The following EEF2K variants were observed in gnomAD, a reference collection of about 807,000 sequenced individuals.
EEF2K encodes eukaryotic elongation factor 2 kinase.
Under a neutral mutation model 93.8 loss-of-function variants are expected in EEF2K, and 70 were observed. The observed-to-expected ratio is 0.75, with a 90% CI of 0.62 to 0.91. The LOEUF (loss-of-function observed/expected upper bound fraction) is 0.91. EEF2K is among the 40% of genes least tolerant of loss of function. The pLI is 0.00. For missense variants in EEF2K, 935 were observed against 972.9 expected, an observed-to-expected ratio of 0.96 and a Z score of 0.52; for synonymous variants, 376 against 380.8, an observed-to-expected ratio of 0.99 and a Z score of 0.15.
Position 22,244,641 on chromosome 16 carries a change from G to A in EEF2K, c.258G>A (p.Lys86=), listed in dbSNP as rs539041939. The change falls in exon 3 of 18, where the codon AAG becomes AAA. Residue 86 remains lysine, a synonymous_variant. Transcript: ENST00000263026. The part of the protein sequence containing the change: ...ANSFHFKEAW[K]HAIQKAKHMP... ...TTTGCCTTCCACAGGAAGCCTGGAA[G>A]CACGCAATCCAGAAGGCCAAGCACA... 2.5e-6 allele frequency: 4 copies of A among 1,613,978 alleles called. No homozygotes were observed. The highest frequency in any genetic ancestry group is 3.3e-5 in the Admixed American group (2 of 60,000).
At chr16:22,209,404 G>T (rs1431208235) in intron 1 of EEF2K, among the ~76,000 whole-genome samples, 1 of 152,148 alleles carries the variant, frequency 6.6e-6, no homozygotes, top group Non-Finnish European at 1.5e-5. Flanking sequence ...TGGCAGGGTT[G>T]TCGTCTGGTT....
chr16:22,251,417 T>A, intron 6 of EEF2K, 95 bp downstream of exon 6: 6 of 271,172 alleles, frequency 2.2e-5, no homozygotes, highest in East Asian at 1.5e-4. Flanking sequence ...TTTCACCTTC[T>A]TTTTTTTTTT....
chr16:22,208,671 G>A (rs1048154908), intron 1 of EEF2K, among the ~76,000 whole-genome samples: 15 of 151,600 alleles, frequency 9.9e-5, no homozygotes, highest in African/African-American at 1.9e-4. Flanking sequence ...GTGCTGAGGC[G>A]GGAGGATTGC....
intron 15 of EEF2K, among the ~76,000 whole-genome samples, chr16:22,273,277 A>T (rs1401131021): frequency 6.6e-6 from 1 of 152,202 alleles, no homozygotes; most frequent in Non-Finnish European, 1.5e-5. Context: ...GTTTATGAAG[A>T]CATGTCTAGG....
At position 22,280,276 on chromosome 16, in the gene EEF2K, C is replaced by T. The variant is rs991020210; in HGVS notation, c.1968C>T (p.Tyr656=). The change falls in exon 17 of 18, where the codon TAC becomes TAT. Residue 656 remains tyrosine (Y), a synonymous_variant. Coordinates refer to ENST00000263026, the MANE Select transcript of EEF2K (RefSeq NM_013302.5). The stretch of plus-strand genomic sequence containing the variant: ...CGGACTGTGATGAGGGCGGTGAGTA[C>T]GACGGAATGCAGGACGAGCCCCGGT... The part of the protein sequence containing the change: ...EMTDCDEGGE[Y]DGMQDEPRYM... The T allele has an allele frequency of 5.3e-5, 86 of 1,608,302 alleles. No homozygotes were observed. Among genetic ancestry groups the T allele is most frequent in the Non-Finnish European group, 7.0e-5 (82 of 1,177,512 alleles).
In EEF2K at chr16:22,260,548, A is replaced by G. The variant is rs1377047654; in HGVS notation, c.1299+19A>G. On this transcript the variant is annotated intron_variant, in intron 11 of 17. Coordinates refer to ENST00000263026, the MANE Select transcript of EEF2K (RefSeq NM_013302.5). The stretch of plus-strand genomic sequence containing the variant: ...CCACCGGGTGAGTGTGAAGGGAGGG[A>G]GGCTGCAGGCTTCAGACCCCAGCAG... The G allele has an allele frequency of 6.2e-7, 1 of 1,613,984 alleles. No individual in the cohort carries two copies.
At chr16:22,211,187 C>T (rs1240985808) in intron 1 of EEF2K, among the ~76,000 whole-genome samples, 4 of 152,158 alleles carry the variant, frequency 2.6e-5, no homozygotes, top group Non-Finnish European at 5.9e-5. Flanking sequence ...TCACTTTGCT[C>T]CACTCTGTTG....
chr16:22,283,848 G>A (rs764753920), intron 17 of EEF2K, 39 bp from the exon 18 acceptor site: 5 of 1,548,440 alleles, frequency 3.2e-6, no homozygotes, highest in African/African-American at 2.7e-5. Context: ...AAAACAACAG[G>A]TGGTTCACCT....
At chr16:22,272,685 A>G (rs996631465) in intron 15 of EEF2K, among the ~76,000 whole-genome samples, 4 of 144,172 alleles carry the variant, frequency 2.8e-5, no homozygotes, top group Non-Finnish European at 4.5e-5. Flanking sequence ...TTTTTTTTTG[A>G]GACGGTGTCT....
chr16:22,251,175 T>G lies in EEF2K; in HGVS notation c.471T>G (p.His157Gln). Reference protein sequence around the residue: ...FRTKKLSNFLHAQQWKGASNY... With the variant: ...FRTKKLSNFLQAQQWKGASNY... Reference sequence around the variant, plus strand: ...GGAAGAAGCTCTCCAACTTCTTGCATGCCCAGCAGTGGAAGGGCGCCTCCA... The same window carrying G: ...GGAAGAAGCTCTCCAACTTCTTGCAGGCCCAGCAGTGGAAGGGCGCCTCCA... Residue 157 changes from histidine (H) to glutamine (Q), a missense_variant, in exon 6 of 18, where the codon CAT (histidine) becomes CAG (glutamine). His to Gln is a conservative substitution (Grantham distance 24). Coordinates refer to ENST00000263026, the MANE Select transcript of EEF2K (RefSeq NM_013302.5). 1 of 1,614,058 alleles carries G rather than the reference T, an allele frequency of 6.2e-7. No individual in the cohort carries two copies.
chr16:22,215,063 G>C (rs1022995495), intron 1 of EEF2K, among the ~76,000 whole-genome samples: 1 of 152,218 alleles, frequency 6.6e-6, no homozygotes, highest in African/African-American at 2.4e-5. Context: ...TGTGGAATGC[G>C]ACCAATCAGA....
rs2047338484 is a variant in EEF2K at position 22,250,444 on chromosome 16, G to T, written c.409-210G>T. Among the ~76,000 whole-genome samples the T allele has an allele frequency of 2.0e-5, 3 of 152,102 alleles. 1 individual carries two copies. Among genetic ancestry groups the T allele is most frequent in the Non-Finnish European group, 4.4e-5 (3 of 68,008 alleles). On this transcript the variant is annotated intron_variant, in intron 4 of 17. Coordinates refer to ENST00000263026, the MANE Select transcript of EEF2K (RefSeq NM_013302.5). The stretch of plus-strand genomic sequence containing the variant: ...CCCTCAGCTGGGGTGGAGGAATGGG[G>T]GTTCCTTGTCATCCTGGCAGCCTCT...
chr16:22,224,066 G>A (rs1430404342), intron 1 of EEF2K, among the ~76,000 whole-genome samples: 1 of 152,028 alleles, frequency 6.6e-6, no homozygotes, highest in Non-Finnish European at 1.5e-5. Context: ...AATTAGCCGC[G>A]CGTGGTAGTG....
rs921333896 is a variant in EEF2K, at chr16:22,266,890, G to A, written c.1764+14G>A. On this transcript the variant is annotated intron_variant, in intron 15 of 17. Coordinates refer to ENST00000263026, the MANE Select transcript of EEF2K (RefSeq NM_013302.5). ...GTCTCTCTGAAGGTGAGCAGGTGGC[G>A]GGGACCCAGCTGCAGGTGGGGGTGG... 21 of 1,589,364 alleles carry A rather than the reference G, an allele frequency of 1.3e-5. No individual in the cohort carries two copies. The highest frequency in any genetic ancestry group is 3.4e-5 in the Admixed American group (2 of 58,104).
At chr16:22,245,566 C>A (rs1250703090) in intron 3 of EEF2K, among the ~76,000 whole-genome samples, 1 of 151,934 alleles carries the variant, frequency 6.6e-6, no homozygotes, top group African/African-American at 2.4e-5. Context: ...CTGAGAGGTG[C>A]GCTAAGGGAA....
At chr16:22,215,062 C>T (rs953375854) in intron 1 of EEF2K, among the ~76,000 whole-genome samples, 4 of 152,126 alleles carry the variant, frequency 2.6e-5, no homozygotes, top group African/African-American at 7.2e-5. Context: ...TTGTGGAATG[C>T]GACCAATCAG....
chr16:22,207,010 A>G (rs1362384739), intron 1 of EEF2K, among the ~76,000 whole-genome samples: 4 of 152,166 alleles, frequency 2.6e-5, no homozygotes, highest in Admixed American at 6.5e-5. Context: ...GTGTGGGCGC[A>G]TCGCTGCCTT....
chr16:22,238,302 G>C (rs902315768), intron 2 of EEF2K, among the ~76,000 whole-genome samples: 4 of 151,976 alleles, frequency 2.6e-5, no homozygotes, highest in African/African-American at 9.7e-5. Context: ...CCCTGCCCGG[G>C]GGGAATACAA....
At chr16:22,243,553 A>G (rs547099796) in intron 2 of EEF2K, among the ~76,000 whole-genome samples, 1 of 150,634 alleles carries the variant, frequency 6.6e-6, no homozygotes, top group East Asian at 2.1e-4. Context: ...CACCCAGCCC[A>G]GCCTAGAAAA....
Sources: gnomAD v4.1 joint callset for allele counts (sites outside exome capture counted in the v4.1 genomes callset) on GRCh38, gnomAD v4.1.1 for gene constraint, MANE v1.5 for transcripts, NCBI Gene and HGNC (gene_info 2026-07-23, HGNC 2026-07-21) for gene names.